Variants in GFRA1 observed in about 807,000 individuals in gnomAD.
The protein encoded by GFRA1 is GDNF family receptor alpha 1.
Under a neutral mutation model 51.6 loss-of-function variants are expected in GFRA1, and 16 were observed. The observed-to-expected ratio is 0.31, with a 90% CI of 0.21 to 0.47. The LOEUF (loss-of-function observed/expected upper bound fraction) is 0.47. Among genes scored for constraint, GFRA1 ranks in the 20% least tolerant of loss-of-function variants. The pLI is 1.00. For missense variants in GFRA1, 530 were observed against 594.3 expected (o/e 0.89, Z 1.13); for synonymous variants, 270 against 241.3 (o/e 1.12, Z -1.10).
chr10:116,172,123 T>C (rs1164620441), intron 5 of GFRA1, among the ~76,000 whole-genome samples: 1 of 152,194 alleles, frequency 6.6e-6, no homozygotes, highest in Non-Finnish European at 1.5e-5. Context: ...TTCCCAATTC[T>C]ATCATCTTTA....
intron 5 of GFRA1, among the ~76,000 whole-genome samples, chr10:116,151,182 G>GC (rs1165284923): frequency 1.3e-5 from 2 of 152,124 alleles, no homozygotes; most frequent in African/African-American, 4.8e-5. Context: ...ATCAAGGCAA[G>GC]CATCTGTACA....
At chr10:116,117,557 G>GGGTGGATGGATGGA (rs1555152575) in intron 6 of GFRA1, among the ~76,000 whole-genome samples, 5 of 97,438 alleles carry the variant, frequency 5.1e-5, no homozygotes, top group African/African-American at 2.1e-4. Context: ...GGGTGGGTGT[G>GGGTGGATGGATGGA]TGGATGGATG....
intron 9 of GFRA1, among the ~76,000 whole-genome samples, chr10:116,088,095 G>A (rs1449997340): frequency 6.6e-6 from 1 of 152,154 alleles, no homozygotes; most frequent in African/African-American, 2.4e-5. Flanking sequence ...CTGGGATGGA[G>A]AACCAGAAGG....
At position 116,270,939 on chromosome 10, in the gene GFRA1, G is replaced by A. The variant is rs1255172030; in HGVS notation, c.217C>T (p.Arg73Cys). Residue 73 changes from arginine (R) to cysteine (C), a missense_variant, in exon 3 of 11, where the codon CGC becomes TGC. Coordinates refer to ENST00000355422, the MANE Select transcript of GFRA1 (RefSeq NM_005264.8). ...TGCTTCAGGGCCTCCATGGCGCTGC[G>A]GCACTCATCCTTGGCCTCCAGGCCG... The part of the protein sequence containing the change: ...ASGLEAKDEC[R>C]SAMEALKQKS... 2 of 1,614,022 alleles carry A rather than the reference G, an allele frequency of 1.2e-6. No homozygotes were observed. Among genetic ancestry groups the A allele is most frequent in the East Asian group, 4.5e-5 (2 of 44,872 alleles).
rs556329146 is a variant in GFRA1 at position 116,083,761 on chromosome 10, G to A, written c.1197+5980C>T. Among the ~76,000 whole-genome samples the A allele has an allele frequency of 2.0e-5, 3 of 152,318 alleles. No individual in the cohort carries two copies. The East Asian group carries it at 5.8e-4, about 29-fold the overall frequency. On this transcript the variant is annotated intron_variant, in intron 9 of 10. Transcript: ENST00000355422. Reference sequence around the variant, plus strand: ...TTTCTGGTCTGGTCTGGCCCCATCTGGAACAAATGGACTTTGGATCTGAGG... The same window carrying A: ...TTTCTGGTCTGGTCTGGCCCCATCTAGAACAAATGGACTTTGGATCTGAGG...
rs45596233 is a variant in GFRA1 at position 116,125,549 on chromosome 10, T to A, written c.442A>T (p.Ile148Phe). The A allele has an allele frequency of 1.7e-5, 27 of 1,612,452 alleles. No homozygotes were observed. Among genetic ancestry groups the A allele is most frequent in the Non-Finnish European group, 2.0e-5 (24 of 1,179,244 alleles). ...TCCAGGCAGTTGTTCCCTTTGGGAA[T>A]GTGCTCCACTGCAAATGCAGAGAAA... ...ISDVFQQVEHIPKGNNCLDAA... is the reference protein window; with the variant it reads ...ISDVFQQVEHFPKGNNCLDAA... The change falls in exon 6 of 11, where the codon ATT (isoleucine) becomes TTT (phenylalanine). Residue 148 changes from isoleucine to phenylalanine, a missense_variant. Transcript: ENST00000355422.
intron 4 of GFRA1, among the ~76,000 whole-genome samples, chr10:116,246,818 G>A (rs1375461326): frequency 6.6e-6 from 1 of 152,054 alleles, no homozygotes. Context: ...CAATAAAGCT[G>A]TTACCAAAAA....
At chr10:116,251,172 A>G (rs1488926819) in intron 4 of GFRA1, among the ~76,000 whole-genome samples, 1 of 152,192 alleles carries the variant, frequency 6.6e-6, no homozygotes, top group African/African-American at 2.4e-5. Flanking sequence ...CCTGTACTAG[A>G]CTATAAGTTT....
intron 4 of GFRA1, among the ~76,000 whole-genome samples, chr10:116,232,490 T>G (rs1263798750): frequency 9.1e-6 from 1 of 109,904 alleles, no homozygotes; most frequent in Admixed American, 1.1e-4. Flanking sequence ...GATACTTGAA[T>G]GTTTCCTCAT....
At chr10:116,211,542 A>C in intron 5 of GFRA1, 89 bp downstream of exon 5, 1 of 1,214,736 alleles carries the variant, frequency 8.2e-7, no homozygotes, top group Non-Finnish European at 1.2e-6. Context: ...AGAGAACGGG[A>C]AACCCCATAA....
chr10:116,147,444 G>T (rs1224813060), intron 5 of GFRA1, among the ~76,000 whole-genome samples: 1 of 152,128 alleles, frequency 6.6e-6, no homozygotes, highest in Non-Finnish European at 1.5e-5. Flanking sequence ...GCATGGTGAT[G>T]AGTCCTTTTT....
intron 4 of GFRA1, among the ~76,000 whole-genome samples, chr10:116,239,102 C>T (rs999566268): frequency 6.6e-6 from 1 of 152,148 alleles, no homozygotes; most frequent in Non-Finnish European, 1.5e-5. Flanking sequence ...AGCCAATTAA[C>T]GAACAAAAAT....
intron 5 of GFRA1, among the ~76,000 whole-genome samples, chr10:116,196,529 A>ATATT (rs1963773099): frequency 7.4e-6 from 1 of 134,458 alleles, no homozygotes; most frequent in African/African-American, 2.8e-5. Flanking sequence ...AAATTTATAT[A>ATATT]TTTATAAATT....
intron 4 of GFRA1, among the ~76,000 whole-genome samples, chr10:116,212,079 C>T (rs1292256355): frequency 6.6e-6 from 1 of 152,038 alleles, no homozygotes; most frequent in African/African-American, 2.4e-5. Flanking sequence ...ACTGAGGCTC[C>T]AGAAAGTTAA....
chr10:116,094,586 C>A (rs909083952), intron 7 of GFRA1, among the ~76,000 whole-genome samples: 9 of 152,092 alleles, frequency 5.9e-5, no homozygotes, highest in African/African-American at 1.7e-4. Context: ...CCTGGGTGGC[C>A]GACACCAGGC....
At chr10:116,270,363 C>G (rs992882142) in intron 3 of GFRA1, among the ~76,000 whole-genome samples, 10 of 152,212 alleles carry the variant, frequency 6.6e-5, no homozygotes, top group African/African-American at 2.4e-4. Flanking sequence ...ACTGGATTCT[C>G]CTGGACCTTT....
intron 9 of GFRA1, among the ~76,000 whole-genome samples, chr10:116,086,065 T>C (rs1425685713): frequency 1.3e-5 from 2 of 152,210 alleles, no homozygotes; most frequent in African/African-American, 2.4e-5. Flanking sequence ...TGCTAGAGAA[T>C]TACTGTGTGA....
intron 7 of GFRA1, 73 bp downstream of exon 7, chr10:116,096,582 C>A: frequency 1.2e-6 from 1 of 820,852 alleles, no homozygotes; most frequent in Non-Finnish European, 2.1e-6. Flanking sequence ...CAGACATCAG[C>A]AAGGCGCAAT....
chr10:116,240,893 C>G (rs1424373723), intron 4 of GFRA1, among the ~76,000 whole-genome samples: 1 of 152,094 alleles, frequency 6.6e-6, no homozygotes, highest in Non-Finnish European at 1.5e-5. Flanking sequence ...CAAAACAATC[C>G]TAACAGGTAG....
Sources: gnomAD v4.1 joint callset for allele counts (sites outside exome capture counted in the v4.1 genomes callset) on GRCh38, gnomAD v4.1.1 for gene constraint, MANE v1.5 for transcripts, NCBI Gene and HGNC (gene_info 2026-07-23, HGNC 2026-07-21) for gene names.